Variants in ATP11A observed in about 807,000 individuals in gnomAD.
ATP11A encodes ATPase phospholipid transporting 11A.
Under a neutral mutation model 154.4 loss-of-function variants are expected in ATP11A, and 81 were observed. That is an observed-to-expected ratio of 0.52 (90% CI 0.44 to 0.63). The LOEUF is 0.63. Ranked by LOEUF, ATP11A falls within the 30% of genes least tolerant of loss-of-function variation. The pLI is 0.00. For missense variants in ATP11A, 1,316 were observed against 1,474.3 expected (o/e 0.89, Z 1.76); for synonymous variants, 623 against 585.9 (o/e 1.06, Z -0.91).
intron 1 of ATP11A, among the ~76,000 whole-genome samples, chr13:112,715,338 C>T (rs73576432): frequency 0.022 from 3,320 of 150,764 alleles, 128 homozygotes; most frequent in African/African-American, 0.076. Flanking sequence ...GGCCCATCCC[C>T]GGTACCTGGC....
chr13:112,790,903 C>T (rs1056687029), intron 2 of ATP11A, among the ~76,000 whole-genome samples: 1 of 152,156 alleles, frequency 6.6e-6, no homozygotes, highest in Non-Finnish European at 1.5e-5. Flanking sequence ...ATAGCTTTAA[C>T]CTCTAGAAAC....
intron 1 of ATP11A, among the ~76,000 whole-genome samples, chr13:112,769,861 C>T (rs928877366): frequency 2.0e-5 from 3 of 152,354 alleles, no homozygotes; most frequent in Non-Finnish European, 2.9e-5. Flanking sequence ...CAGCACTTCC[C>T]GTGCCATCCC....
intron 1 of ATP11A, among the ~76,000 whole-genome samples, chr13:112,706,436 C>A (rs932934210): frequency 2.0e-5 from 3 of 152,164 alleles, no homozygotes; most frequent in African/African-American, 2.4e-5. Context: ...TTACATGGTT[C>A]CATGGCTTTT....
At chr13:112,834,993 T>C (rs891311807) in intron 15 of ATP11A, among the ~76,000 whole-genome samples, 2 of 152,246 alleles carry the variant, frequency 1.3e-5, no homozygotes, top group African/African-American at 4.8e-5. Flanking sequence ...CGTTCTGACC[T>C]CTCCAGGCCC....
At chr13:112,836,501 G>A (rs1000975048) in intron 16 of ATP11A, among the ~76,000 whole-genome samples, 3 of 152,126 alleles carry the variant, frequency 2.0e-5, no homozygotes, top group South Asian at 2.1e-4. Flanking sequence ...TTTTAGTGTC[G>A]AGTTGGGGCC....
chr13:112,717,690 AATTG>A (rs1594398968), intron 1 of ATP11A: 1 of 152,244 alleles, frequency 6.6e-6, no homozygotes, highest in Non-Finnish European at 1.5e-5. Flanking sequence ...GATGATACTG[AATTG>A]ATTAAGTTAT....
rs1886076182 is a variant in ATP11A, at chr13:112,697,958, A to G, written c.39+7503A>G. Among the ~76,000 whole-genome samples the G allele has an allele frequency of 6.6e-6, 1 of 152,110 alleles. No homozygotes were observed. The highest frequency in any genetic ancestry group is 1.5e-5 in the Non-Finnish European group (1 of 68,020). On this transcript the variant is annotated intron_variant, in intron 1 of 29. Coordinates refer to ENST00000375645, the MANE Select transcript of ATP11A (RefSeq NM_015205.3). This position sits in a 1 kb window ranked among gnomAD's most constrained non-coding sequence, Gnocchi z 4.0. Reference sequence around the variant, plus strand: ...AACAACATGCCAACCTCTGGCATGCAGGACCTTTGCTTTCCAGGCAGGCAT... The same window carrying G: ...AACAACATGCCAACCTCTGGCATGCGGGACCTTTGCTTTCCAGGCAGGCAT...
At chr13:112,694,151 T>C (rs543054958) in intron 1 of ATP11A, among the ~76,000 whole-genome samples, 2 of 152,312 alleles carry the variant, frequency 1.3e-5, no homozygotes, top group African/African-American at 4.8e-5. Flanking sequence ...TCCCTGCCCT[T>C]CTTAGCCATG....
At position 112,754,697 on chromosome 13, in the gene ATP11A, G is replaced by A. The variant is rs2076775917; in HGVS notation, c.40-30438G>A. The A allele has an allele frequency of 6.6e-6, 1 of 152,512 alleles. No homozygotes were observed. Among genetic ancestry groups the A allele is most frequent in the Non-Finnish European group, 1.5e-5 (1 of 68,280 alleles). The allele number at this position is 152,512 out of a possible 1,614,324, so 9.4% of individuals were successfully genotyped here. On this transcript the variant is annotated intron_variant, in intron 1 of 29. Transcript: ENST00000375645. The surrounding 1 kb of genome is among the most constrained non-coding windows in gnomAD (Gnocchi z 5.3). ...CACAGGTGGACCCATCGCCTCCAAAGCCTGTGGGTCTCATTGGCTGGAATG... is the reference window on the plus strand; with the variant it reads ...CACAGGTGGACCCATCGCCTCCAAAACCTGTGGGTCTCATTGGCTGGAATG...
chr13:112,846,992 AG>A (rs2079628125), intron 17 of ATP11A, among the ~76,000 whole-genome samples: 1 of 152,102 alleles, frequency 6.6e-6, no homozygotes, highest in African/African-American at 2.4e-5. Flanking sequence ...TCACAGTTGC[AG>A]GTGCTTGAGG....
intron 8 of ATP11A, among the ~76,000 whole-genome samples, chr13:112,822,164 C>A (rs1254238369): frequency 1.3e-5 from 2 of 152,128 alleles, no homozygotes; most frequent in African/African-American, 4.8e-5. Context: ...CACTTTTGAC[C>A]CTTTACCCTC....
At chr13:112,698,633 A>G (rs977636469) in intron 1 of ATP11A, among the ~76,000 whole-genome samples, 2 of 152,126 alleles carry the variant, frequency 1.3e-5, no homozygotes, top group South Asian at 4.1e-4. Flanking sequence ...GCCACCTTTT[A>G]CCTTTGTAAC....
intron 1 of ATP11A, among the ~76,000 whole-genome samples, chr13:112,691,483 G>GTGTGTGTGTGTGTGT (rs111354648): frequency 4.0e-5 from 5 of 125,140 alleles, no homozygotes; most frequent in Non-Finnish European, 3.3e-5. Flanking sequence ...AAAAAAAAAG[G>GTGTGTGTGTGTGTGT]GTGTGTGTGT....
At position 112,875,765 on chromosome 13, in the gene ATP11A, C is replaced by T; in HGVS notation, c.3162-11C>T. 1 of 1,611,564 alleles carries T rather than the reference C, an allele frequency of 6.2e-7. No individual in the cohort carries two copies. On this transcript the variant is annotated splice_polypyrimidine_tract_variant and intron_variant, in intron 27 of 29. Transcript: ENST00000375645. The surrounding 1 kb of genome is among the most constrained non-coding windows in gnomAD (Gnocchi z 4.1). ...ATGCCTCACCAGCGGCTTCTCTTCCCTGCCCCTCAGGCCGTTCCTCAACTA... is the reference window on the plus strand; with the variant it reads ...ATGCCTCACCAGCGGCTTCTCTTCCTTGCCCCTCAGGCCGTTCCTCAACTA...
At chr13:112,730,941 T>C (rs1408488868) in intron 1 of ATP11A, among the ~76,000 whole-genome samples, 1 of 152,114 alleles carries the variant, frequency 6.6e-6, no homozygotes, top group African/African-American at 2.4e-5. Context: ...GTCTATTTAT[T>C]TATTTATTTT....
At chr13:112,841,936 C>T (rs2079432444) in intron 16 of ATP11A, among the ~76,000 whole-genome samples, 1 of 152,254 alleles carries the variant, frequency 6.6e-6, no homozygotes, top group Admixed American at 6.5e-5. Flanking sequence ...ATTTCAGAAA[C>T]CAGGACCCCC....
At position 112,871,794 on chromosome 13, in the gene ATP11A, A is replaced by G; in HGVS notation, c.3051A>G (p.Thr1017=). The change falls in exon 26 of 30, where the codon ACA becomes ACG. Residue 1017 remains threonine, a synonymous_variant. Transcript: ENST00000375645. ...LVFTVMVFTV[T]LKLALDTHYW... is the part of the protein sequence containing the mutation. ...TCACCGTGATGGTGTTCACAGTTAC[A>G]CTAAAGGTAAGTGGTCTCGCGCTCA... is the stretch of plus-strand genomic sequence containing the variant. 2 of 1,614,156 alleles carry G rather than the reference A, an allele frequency of 1.2e-6. No individual in the cohort carries two copies. The highest frequency in any genetic ancestry group is 1.1e-5 in the South Asian group (1 of 91,084).
At chr13:112,700,429 G>A (rs927017123) in intron 1 of ATP11A, among the ~76,000 whole-genome samples, 1 of 152,200 alleles carries the variant, frequency 6.6e-6, no homozygotes, top group Non-Finnish European at 1.5e-5. Context: ...TTCCCCAAGG[G>A]TTGTATCCAC....
In ATP11A at chr13:112,875,888, C is replaced by G; in HGVS notation, c.3274C>G (p.Leu1092Val). The G allele has an allele frequency of 6.2e-7, 1 of 1,613,664 alleles. No homozygotes were observed. ...GACCATCAGCCTCCTTCCCGACGTC[C>G]TCAAGAAAGTCCTGTGCCGGCAGCT... Reference protein sequence around the residue: ...LVTISLLPDVLKKVLCRQLWP... With the variant: ...LVTISLLPDVVKKVLCRQLWP... Residue 1092 changes from leucine to valine, a missense_variant, in exon 28 of 30, where the codon CTC becomes GTC. By Grantham distance (32) the Leu-to-Val change is conservative (BLOSUM62 1). This residue lies in a region of ATP11A where 294 missense variants were observed against 290.2 expected (regional missense o/e 1.01). Transcript: ENST00000375645. The surrounding 1 kb of genome is among the most constrained non-coding windows in gnomAD (Gnocchi z 4.1).
Sources: gnomAD v4.1 joint callset for allele counts (sites outside exome capture counted in the v4.1 genomes callset) on GRCh38, gnomAD v4.1.1 for gene constraint, gnomAD v4.1.1 regional missense constraint, Gnocchi (gnomAD v3.1) non-coding constraint, MANE v1.5 for transcripts, NCBI Gene and HGNC (gene_info 2026-07-23, HGNC 2026-07-21) for gene names.